Variants in GGNBP2 observed in about 807,000 individuals in gnomAD.
The protein encoded by GGNBP2 is gametogenetin binding protein 2.
GGNBP2 carries 10 observed loss-of-function variants against 85.9 expected under a neutral mutation model. That is an observed-to-expected ratio of 0.12 (90% confidence interval 0.07 to 0.20). GGNBP2 has a LOEUF of 0.20. GGNBP2 is among the 10% of genes least tolerant of loss of function. The pLI is 1.00. For missense variants in GGNBP2, 595 were observed against 857.8 expected (o/e 0.69, Z 3.83); for synonymous variants, 287 against 285.7 (o/e 1.00, Z -0.05).
At chr17:36,570,400 A>C (rs900584169) in intron 6 of GGNBP2, among the ~76,000 whole-genome samples, 2 of 151,838 alleles carry the variant, frequency 1.3e-5, no homozygotes, top group African/African-American at 4.8e-5. Flanking sequence ...AAATAATAAA[A>C]ATTAAAATAA....
At chr17:36,583,299 G>A (rs942294740) in intron 9 of GGNBP2, among the ~76,000 whole-genome samples, 4 of 151,922 alleles carry the variant, frequency 2.6e-5, no homozygotes, top group East Asian at 1.9e-4. Flanking sequence ...TGATCCGCCC[G>A]CCTCAGCCTC....
At chr17:36,569,667 C>A (rs1026787615) in intron 6 of GGNBP2, among the ~76,000 whole-genome samples, 7 of 152,162 alleles carry the variant, frequency 4.6e-5, no homozygotes, top group Non-Finnish European at 8.8e-5. Context: ...TAAAAACTTT[C>A]TTTCTTTGCC....
intron 2 of GGNBP2, among the ~76,000 whole-genome samples, chr17:36,548,201 A>G (rs1416955447): frequency 2.0e-5 from 3 of 152,250 alleles, no homozygotes; most frequent in Non-Finnish European, 4.4e-5. Flanking sequence ...ATATAGTTAC[A>G]ATGTTTACAG....
chr17:36,579,469 T>G lies in GGNBP2; in HGVS notation c.1020+50T>G. 2 of 1,519,192 alleles carry G rather than the reference T, an allele frequency of 1.3e-6. 1 individual carries two copies. 94.1% of individuals were successfully genotyped at this position (1,519,192 alleles called of 1,614,324 possible). ...ATCTCAGATTGCTTAGTCACGTTATTGGACTGAATCTTAATGTAAGCCACC... is the reference window on the plus strand; with the variant it reads ...ATCTCAGATTGCTTAGTCACGTTATGGGACTGAATCTTAATGTAAGCCACC... On this transcript the variant is annotated intron_variant, in intron 8 of 13. Transcript: ENST00000613102.
intron 13 of GGNBP2, 76 bp from the exon 14 acceptor site, chr17:36,589,131 AT>A: frequency 9.7e-7 from 1 of 1,031,560 alleles, no homozygotes; most frequent in Non-Finnish European, 1.5e-6. Flanking sequence ...GACTGGTTTA[AT>A]TTTTAGCTGT....
intron 5 of GGNBP2, among the ~76,000 whole-genome samples, chr17:36,567,230 C>G (rs2074477372): frequency 6.6e-6 from 1 of 151,956 alleles, no homozygotes; most frequent in Non-Finnish European, 1.5e-5. Flanking sequence ...TAAATTGTAT[C>G]AGATAAACTT....
intron 5 of GGNBP2, among the ~76,000 whole-genome samples, chr17:36,564,731 T>C (rs552737117): frequency 5.3e-5 from 8 of 152,344 alleles, no homozygotes; most frequent in African/African-American, 1.9e-4. Context: ...CTCCATTTTA[T>C]GTATTTCCAC....
At chr17:36,551,583 C>T (rs2142686059) in intron 2 of GGNBP2, among the ~76,000 whole-genome samples, 1 of 151,932 alleles carries the variant, frequency 6.6e-6, no homozygotes, top group East Asian at 1.9e-4. Context: ...GTGGCTCATG[C>T]CTGTAATCCC....
At chr17:36,567,157 A>G (rs753961244) in intron 5 of GGNBP2, among the ~76,000 whole-genome samples, 1 of 152,136 alleles carries the variant, frequency 6.6e-6, no homozygotes, top group Non-Finnish European at 1.5e-5. Context: ...CATTCCAACT[A>G]TATTTGCTCA....
At chr17:36,549,085 G>A (rs762064993) in intron 2 of GGNBP2, among the ~76,000 whole-genome samples, 4 of 152,180 alleles carry the variant, frequency 2.6e-5, no homozygotes, top group Non-Finnish European at 4.4e-5. Flanking sequence ...AAATAAGTTG[G>A]TGGAATGGTG....
chr17:36,572,157 T>C (rs536503545), intron 6 of GGNBP2, among the ~76,000 whole-genome samples: 1 of 152,350 alleles, frequency 6.6e-6, no homozygotes, highest in Admixed American at 6.5e-5. Flanking sequence ...TTACTTATGC[T>C]TATAGTTGTA....
intron 5 of GGNBP2, among the ~76,000 whole-genome samples, chr17:36,561,626 A>G (rs561266598): frequency 1.7e-4 from 26 of 151,402 alleles, no homozygotes; most frequent in Non-Finnish European, 2.9e-4. Context: ...AGTTTTCTAT[A>G]TTTATTATTA....
At chr17:36,556,033 A>T (rs2074357987) in intron 3 of GGNBP2, among the ~76,000 whole-genome samples, 1 of 152,204 alleles carries the variant, frequency 6.6e-6, no homozygotes, top group African/African-American at 2.4e-5. Context: ...GGTAATGGTA[A>T]ATGTGAGAAA....
chr17:36,549,585 C>T lies in GGNBP2; in HGVS notation c.93+3768C>T, dbSNP rs962004075. ...TAGTCATGCTTCTCAGGGATAAGCA[C>T]ATTTGGTGTAATTTCAGTCCTAGAC... On this transcript the variant is annotated intron_variant, in intron 2 of 13. Transcript: ENST00000613102. Among the ~76,000 whole-genome samples the T allele has an allele frequency of 5.3e-5, 8 of 150,246 alleles. No homozygotes were observed. The Admixed American group carries it at 5.4e-4, about 10-fold the overall frequency.
At chr17:36,571,417 G>A (rs1354340144) in intron 6 of GGNBP2, among the ~76,000 whole-genome samples, 1 of 152,098 alleles carries the variant, frequency 6.6e-6, no homozygotes, top group Non-Finnish European at 1.5e-5. Context: ...GGGCTTGGTG[G>A]CGTGTGCCTG....
At chr17:36,565,889 C>G (rs931283428) in intron 5 of GGNBP2, among the ~76,000 whole-genome samples, 2 of 152,032 alleles carry the variant, frequency 1.3e-5, no homozygotes, top group African/African-American at 4.8e-5. Context: ...GAGTGAGACT[C>G]TGTCTCAAAA....
intron 2 of GGNBP2, 60 bp downstream of exon 2, chr17:36,545,877 C>G (rs373877884): frequency 4.1e-6 from 5 of 1,226,288 alleles, no homozygotes; most frequent in Non-Finnish European, 2.3e-6. Context: ...CCCCTCCTCC[C>G]CCTCCCCCAG....
intron 3 of GGNBP2, among the ~76,000 whole-genome samples, chr17:36,556,258 A>G (rs2074360030): frequency 6.6e-6 from 1 of 152,208 alleles, no homozygotes; most frequent in African/African-American, 2.4e-5. Context: ...CATAAGGAAG[A>G]TAGGCCATGT....
chr17:36,579,331 A>G lies in GGNBP2; in HGVS notation c.932A>G (p.His311Arg). The stretch of plus-strand genomic sequence containing the variant: ...GGAATTCATCTTTATGAAAGACTGC[A>G]TCGAATCTGGCAGAAGCTACGGGCA... Reference protein sequence around the residue: ...CLGIHLYERLHRIWQKLRAEE... With the variant: ...CLGIHLYERLRRIWQKLRAEE... The change falls in exon 8 of 14, where the codon CAT (histidine) becomes CGT (arginine). Residue 311 changes from histidine to arginine, a missense_variant. His to Arg is a conservative substitution (Grantham distance 29). Transcript: ENST00000613102. 2 of 1,614,210 alleles carry G rather than the reference A, an allele frequency of 1.2e-6. No individual in the cohort carries two copies. The highest frequency in any genetic ancestry group is 1.7e-6 in the Non-Finnish European group (2 of 1,180,014).
Sources: gnomAD v4.1 joint callset for allele counts (sites outside exome capture counted in the v4.1 genomes callset) on GRCh38, gnomAD v4.1.1 for gene constraint, MANE v1.5 for transcripts, NCBI Gene and HGNC (gene_info 2026-07-23, HGNC 2026-07-21) for gene names.